The following DLG1 variants were observed in gnomAD, a reference collection of about 807,000 sequenced individuals.
The protein encoded by DLG1 is discs large MAGUK scaffold protein 1.
A neutral mutation model predicts 123.4 loss-of-function variants in DLG1; 42 were observed. The observed-to-expected ratio is 0.34, with a 90% confidence interval of 0.27 to 0.44. The LOEUF (loss-of-function observed/expected upper bound fraction) is 0.44. Ranked by LOEUF, DLG1 falls within the 20% of genes least tolerant of loss-of-function variation. DLG1 has a pLI of 1.00. For synonymous variants in DLG1, 317 were observed against 356.2 expected, an observed-to-expected ratio of 0.89 and a Z score of 1.24; for missense variants, 942 against 1,082.6, an observed-to-expected ratio of 0.87 and a Z score of 1.82.
intron 4 of DLG1, among the ~76,000 whole-genome samples, chr3:197,228,603 T>C (rs114284893): frequency 0.012 from 1,872 of 152,278 alleles, 41 homozygotes; most frequent in African/African-American, 0.043. Flanking sequence ...CAGAAGACAG[T>C]ATAAAAAACA....
intron 16 of DLG1, among the ~76,000 whole-genome samples, chr3:197,081,941 C>T (rs141077226): frequency 1.3e-5 from 2 of 152,226 alleles, no homozygotes; most frequent in South Asian, 2.1e-4. Context: ...TCTCCAATTT[C>T]GACATAGCAA....
intron 15 of DLG1, among the ~76,000 whole-genome samples, chr3:197,088,731 G>T (rs1755904257): frequency 6.6e-6 from 1 of 152,186 alleles, no homozygotes; most frequent in African/African-American, 2.4e-5. Context: ...TTTTCATCAT[G>T]TGAAAAACTC....
chr3:197,109,397 T>C (rs1364478321), intron 13 of DLG1, among the ~76,000 whole-genome samples: 1 of 152,184 alleles, frequency 6.6e-6, no homozygotes, highest in Non-Finnish European at 1.5e-5. Context: ...ACAAACATTT[T>C]ATAAGAACCT....
chr3:197,095,952 G>C (rs972176118), intron 14 of DLG1, among the ~76,000 whole-genome samples: 1 of 152,106 alleles, frequency 6.6e-6, no homozygotes, highest in Non-Finnish European at 1.5e-5. Context: ...GGATATTATA[G>C]AACAATCTAG....
chr3:197,294,143 G>A (rs879452585), intron 3 of DLG1, among the ~76,000 whole-genome samples: 2 of 152,006 alleles, frequency 1.3e-5, no homozygotes, highest in Admixed American at 6.5e-5. Flanking sequence ...TATTTATTCC[G>A]TAGTATCAAC....
At position 197,098,345 on chromosome 3, in the gene DLG1, G is replaced by C. The variant is rs147409998; in HGVS notation, c.1546+6558C>G. 4.6e-3 allele frequency among the ~76,000 whole-genome samples: 693 copies of C among 152,260 alleles called. 12 individuals are homozygous for C. Among genetic ancestry groups the C allele is most frequent in the Non-Finnish European group, 4.1e-3 (280 of 68,012 alleles). ...AATTTAAAAGCTTTCTGTGTAAAAA[G>C]AACACATTACTTTTTAGTGATGCAG... On this transcript the variant is annotated intron_variant, in intron 14 of 24. Transcript: ENST00000667157.
intron 4 of DLG1, among the ~76,000 whole-genome samples, chr3:197,200,499 T>C (rs1288725283): frequency 2.0e-5 from 3 of 152,056 alleles, no homozygotes; most frequent in Admixed American, 6.5e-5. Flanking sequence ...TACCCTGTTA[T>C]CAAAACCAGA....
At position 197,281,602 on chromosome 3, in the gene DLG1, A is replaced by G. The variant is rs558303610; in HGVS notation, c.318+1077T>C. 1.1e-4 allele frequency among the ~76,000 whole-genome samples: 17 copies of G among 152,218 alleles called. No individual in the cohort carries two copies. In the South Asian group the frequency reaches 1.9e-3, roughly 17 times the overall value. ...GAAATTATCCTGGAAAAAGTGATGG[A>G]AAAAAAGTGTAAAGAAAATAAGGAT... On this transcript the variant is annotated intron_variant, in intron 4 of 24. Coordinates refer to ENST00000667157, the MANE Select transcript of DLG1 (RefSeq NM_001366207.1).
intron 18 of DLG1, among the ~76,000 whole-genome samples, chr3:197,073,105 C>G (rs1020808282): frequency 1.3e-5 from 2 of 152,208 alleles, no homozygotes; most frequent in Non-Finnish European, 2.9e-5. Context: ...CTCTTCTGCT[C>G]TCCTCTAATA....
intron 4 of DLG1, among the ~76,000 whole-genome samples, chr3:197,242,130 G>C (rs187469120): frequency 2.0e-5 from 3 of 152,118 alleles, no homozygotes; most frequent in South Asian, 2.1e-4. Context: ...AACCAAAAAA[G>C]CTCAGGAGCA....
chr3:197,059,783 A>G, intron 23 of DLG1, 106 bp downstream of exon 23: 2 of 704,508 alleles, frequency 2.8e-6, no homozygotes, highest in Non-Finnish European at 4.8e-6. Flanking sequence ...ACATACTACT[A>G]TTATCTCAAT....
intron 15 of DLG1, 86 bp from the exon 16 acceptor site, chr3:197,085,842 G>C: frequency 7.7e-7 from 1 of 1,303,432 alleles, no homozygotes; most frequent in African/African-American, 1.5e-5. Context: ...ATGTAATTTG[G>C]GTAATTAAAT....
chr3:197,215,511 C>A (rs1372192204), intron 4 of DLG1, among the ~76,000 whole-genome samples: 1 of 151,984 alleles, frequency 6.6e-6, no homozygotes, highest in African/African-American at 2.4e-5. Context: ...AATGTGTAAA[C>A]CTAAACAGAA....
intron 10 of DLG1, among the ~76,000 whole-genome samples, chr3:197,135,212 T>C (rs1038590128): frequency 2.6e-5 from 4 of 152,234 alleles, no homozygotes; most frequent in African/African-American, 9.6e-5. Context: ...CTAAGGAACA[T>C]GGACTGAGAC....
intron 4 of DLG1, among the ~76,000 whole-genome samples, chr3:197,215,585 TCAGTTAA>T (rs1733729270): frequency 6.6e-6 from 1 of 151,778 alleles, no homozygotes; most frequent in African/African-American, 2.4e-5. Flanking sequence ...AACATAACGG[TCAGTTAA>T]CAGAGTTACG....
intron 5 of DLG1, among the ~76,000 whole-genome samples, chr3:197,187,436 A>G (rs1456395871): frequency 6.6e-6 from 1 of 152,186 alleles, no homozygotes; most frequent in African/African-American, 2.4e-5. Context: ...TTATATTCTC[A>G]ATACTACTGG....
intron 7 of DLG1, among the ~76,000 whole-genome samples, chr3:197,142,381 G>A (rs1477962424): frequency 6.6e-6 from 1 of 152,114 alleles, no homozygotes; most frequent in Non-Finnish European, 1.5e-5. Flanking sequence ...TAATAATAAT[G>A]TATGAATACA....
chr3:197,047,260 A>T (rs1174380647), intron 24 of DLG1, among the ~76,000 whole-genome samples: 1 of 152,220 alleles, frequency 6.6e-6, no homozygotes, highest in Non-Finnish European at 1.5e-5. Context: ...TTTAGAAGTA[A>T]AGGGACATCT....
chr3:197,262,116 G>C lies in DLG1; in HGVS notation c.318+20563C>G, dbSNP rs970673757. Among the ~76,000 whole-genome samples, 5 of 152,234 alleles carry C rather than the reference G, an allele frequency of 3.3e-5. No individual in the cohort carries two copies. The East Asian group carries it at 9.6e-4, about 29-fold the overall frequency. On this transcript the variant is annotated intron_variant, in intron 4 of 24. Coordinates refer to ENST00000667157, the MANE Select transcript of DLG1 (RefSeq NM_001366207.1). ...TTTGGATCACAGCTAATGCTAATGA[G>C]GTAACTTAAAGTGAGACCCCTAGAA...
Sources: gnomAD v4.1 joint callset for allele counts (sites outside exome capture counted in the v4.1 genomes callset) on GRCh38, gnomAD v4.1.1 for gene constraint, MANE v1.5 for transcripts, NCBI Gene and HGNC (gene_info 2026-07-23, HGNC 2026-07-21) for gene names.